Variants in MYO16 observed in about 807,000 individuals in gnomAD.
MYO16 encodes the protein unconventional myosin-XVI.
Under a neutral mutation model 205.3 loss-of-function variants are expected in MYO16, and 94 were observed. The observed-to-expected ratio is 0.46, with a 90% CI of 0.39 to 0.54. The LOEUF is 0.54. Ranked by LOEUF, MYO16 falls within the 20% of genes least tolerant of loss-of-function variation. MYO16 has a pLI of 0.00. For synonymous variants in MYO16, 988 were observed against 954.0 expected (o/e 1.04, Z -0.66); for missense variants, 2,315 against 2,387.5 (o/e 0.97, Z 0.63).
At chr13:108,956,182 G>T (rs1159320696) in intron 16 of MYO16, among the ~76,000 whole-genome samples, 1 of 152,044 alleles carries the variant, frequency 6.6e-6, no homozygotes, top group East Asian at 1.9e-4. Flanking sequence ...TCCTCCTCTT[G>T]AGAATGTTTT....
chr13:109,171,867 C>T (rs1229844684), intron 33 of MYO16, among the ~76,000 whole-genome samples: 1 of 152,184 alleles, frequency 6.6e-6, no homozygotes, highest in Non-Finnish European at 1.5e-5. Flanking sequence ...TTTGCATTTA[C>T]ATTTATCATT....
At chr13:108,860,561 T>C (rs1028094309) in intron 11 of MYO16, among the ~76,000 whole-genome samples, 2 of 152,194 alleles carry the variant, frequency 1.3e-5, no homozygotes, top group Non-Finnish European at 2.9e-5. Flanking sequence ...GTAATTCTGC[T>C]TTTAGCTCTT....
At chr13:108,947,821 T>G (rs942474358) in intron 16 of MYO16, among the ~76,000 whole-genome samples, 2 of 152,274 alleles carry the variant, frequency 1.3e-5, no homozygotes, top group Non-Finnish European at 2.9e-5. Flanking sequence ...TAGAAAAATA[T>G]GGATGAACTA....
At position 108,712,702 on chromosome 13, in the gene MYO16, G is replaced by A. The variant is rs111464054; in HGVS notation, c.334G>A (p.Val112Ile). 1.8e-4 allele frequency: 285 copies of A among 1,613,964 alleles called. No homozygotes were observed. Among genetic ancestry groups the A allele is most frequent in the Non-Finnish European group, 2.3e-4 (266 of 1,179,942 alleles). The change falls in exon 3 of 35, where the codon GTC becomes ATC. Residue 112 changes from valine (V) to isoleucine (I), a missense_variant. By Grantham distance (29) the Val-to-Ile change is conservative (BLOSUM62 3). Coordinates refer to ENST00000457511, the MANE Select transcript of MYO16 (RefSeq NM_001198950.3). ...LKEGADPHTL[V>I]SSGGSLLHLC... ...GGAGGGGGCAGACCCCCACACCCTCGTCTCCTCGGGAGGGTCCCTGCTCCA... is the reference window on the plus strand; with the variant it reads ...GGAGGGGGCAGACCCCCACACCCTCATCTCCTCGGGAGGGTCCCTGCTCCA...
chr13:108,765,339 TATG>T (rs1452091555), intron 4 of MYO16, among the ~76,000 whole-genome samples: 1 of 152,216 alleles, frequency 6.6e-6, no homozygotes, highest in African/African-American at 2.4e-5. Flanking sequence ...ACTATTCTAT[TATG>T]ACAAAACTAT....
chr13:108,540,685 A>C, the MYO16 span, among the ~76,000 whole-genome samples: 1 of 152,148 alleles, frequency 6.6e-6, no homozygotes, highest in African/African-American at 2.4e-5. Flanking sequence ...GTAGGAATAC[A>C]GCACACCAAT....
chr13:108,626,153 C>T (rs527416846), upstream of MYO16, among the ~76,000 whole-genome samples: 2 of 151,650 alleles, frequency 1.3e-5, no homozygotes, highest in African/African-American at 4.8e-5. Flanking sequence ...ATAATGCTAA[C>T]ATTTAAGAGA....
Position 108,874,556 on chromosome 13 carries a change from T to C in MYO16, c.1425+8314T>C, listed in dbSNP as rs189147680. Among the ~76,000 whole-genome samples the C allele has an allele frequency of 2.4e-3, 361 of 152,110 alleles. 3 individuals carry two copies. Among genetic ancestry groups the C allele is most frequent in the Non-Finnish European group, 3.0e-3 (203 of 67,980 alleles). On this transcript the variant is annotated intron_variant, in intron 12 of 34. Transcript: ENST00000457511. ...AGTTGAATAAGCTGAGACTTGAGGT[T>C]AAACAGATTTTCTAAAGTCTTCCCA...
At chr13:108,883,366 T>A (rs562277070) in intron 13 of MYO16, among the ~76,000 whole-genome samples, 180 bp downstream of exon 13, 2 of 152,300 alleles carry the variant, frequency 1.3e-5, no homozygotes, top group East Asian at 1.9e-4. Context: ...CTGTTAGGAG[T>A]AGCCCCAAGT....
chr13:109,102,479 TG>T (rs1889000916), intron 28 of MYO16, among the ~76,000 whole-genome samples: 1 of 110,884 alleles, frequency 9.0e-6, no homozygotes, highest in African/African-American at 3.5e-5. Context: ...TGTATATGTA[TG>T]TGTATATATG....
intron 25 of MYO16, among the ~76,000 whole-genome samples, chr13:109,053,531 A>G (rs1887317486): frequency 6.6e-6 from 1 of 151,908 alleles, no homozygotes; most frequent in Non-Finnish European, 1.5e-5. Context: ...TTTCTCAATC[A>G]TCCTAAAAAT....
intron 34 of MYO16, among the ~76,000 whole-genome samples, chr13:109,196,444 G>A (rs935334849): frequency 6.6e-6 from 1 of 152,136 alleles, no homozygotes; most frequent in African/African-American, 2.4e-5. Context: ...AGGGAAATGG[G>A]TCTGGACCAT....
intron 28 of MYO16, among the ~76,000 whole-genome samples, chr13:109,106,402 A>G (rs1376659833): frequency 6.6e-6 from 1 of 152,160 alleles, no homozygotes; most frequent in Non-Finnish European, 1.5e-5. Flanking sequence ...ATCAAAGACT[A>G]TTTGCCCGAA....
chr13:108,911,848 G>T (rs1881283053), intron 16 of MYO16, among the ~76,000 whole-genome samples: 1 of 152,188 alleles, frequency 6.6e-6, no homozygotes, highest in Admixed American at 6.5e-5. Flanking sequence ...AGGTAGGAAG[G>T]TCAGGATTGA....
At chr13:108,626,032 T>C (rs1056312778), upstream of MYO16, among the ~76,000 whole-genome samples, 4 of 152,200 alleles carry the variant, frequency 2.6e-5, no homozygotes, top group Non-Finnish European at 4.4e-5. Flanking sequence ...AGATATTTAC[T>C]AAGCAATTTC....
chr13:109,109,780 T>C (rs1039509637), intron 28 of MYO16, among the ~76,000 whole-genome samples: 1 of 152,226 alleles, frequency 6.6e-6, no homozygotes, highest in African/African-American at 2.4e-5. Context: ...CCTTTAGGGC[T>C]GAAAACAGAA....
chr13:108,671,887 C>T (rs773300212), intron 2 of MYO16, among the ~76,000 whole-genome samples: 1 of 152,140 alleles, frequency 6.6e-6, no homozygotes, highest in Non-Finnish European at 1.5e-5. Context: ...ACCTAATTCC[C>T]TCCCAAAGGC....
At chr13:109,079,511 G>A (rs1888217140) in intron 27 of MYO16, among the ~76,000 whole-genome samples, 1 of 152,074 alleles carries the variant, frequency 6.6e-6, no homozygotes, top group African/African-American at 2.4e-5. Context: ...AATTCATGCA[G>A]GAACAGAAAA....
intron 4 of MYO16, among the ~76,000 whole-genome samples, chr13:108,767,426 C>T (rs150796334): frequency 1.3e-5 from 2 of 152,130 alleles, no homozygotes; most frequent in East Asian, 3.9e-4. Context: ...TTTTAAGAAA[C>T]ACATTTATAA....
Sources: gnomAD v4.1 joint callset for allele counts (sites outside exome capture counted in the v4.1 genomes callset) on GRCh38, gnomAD v4.1.1 for gene constraint, MANE v1.5 for transcripts, NCBI Gene and HGNC (gene_info 2026-07-23, HGNC 2026-07-21) for gene names.